Variants in CLIC2 observed in about 807,000 individuals in gnomAD.
CLIC2 encodes the protein CLIC family member 2.
CLIC2 carries 9 observed loss-of-function variants against 14.8 expected under a neutral mutation model. The observed-to-expected ratio is 0.61, with a 90% CI of 0.37 to 1.06. The LOEUF is 1.06. Among genes scored for constraint, CLIC2 ranks in the 50% least tolerant of loss-of-function variants. The pLI is 0.01. For synonymous variants in CLIC2, 61 were observed against 66.3 expected (o/e 0.92, Z 0.39); for missense variants, 148 against 181.4 (o/e 0.82, Z 1.06).
At chrX:155,306,126 C>T in intron 1 of CLIC2, among the ~76,000 whole-genome samples, 1 of 111,541 alleles carries the variant, frequency 9.0e-6, no homozygotes, top group East Asian at 2.8e-4. Flanking sequence ...ATATTTGTCC[C>T]CTCCAAATCT....
intron 1 of CLIC2, among the ~76,000 whole-genome samples, chrX:155,321,866 A>C (rs1297806427): frequency 1.8e-5 from 2 of 111,017 alleles, no homozygotes; most frequent in African/African-American, 6.6e-5. Flanking sequence ...ATGGAGGAAT[A>C]TTTACCAAGC....
chrX:155,287,468 G>A (rs113415302), intron 3 of CLIC2, among the ~76,000 whole-genome samples: 1,885 of 111,039 alleles, frequency 0.017, 52 homozygotes, highest in African/African-American at 0.059. Context: ...TGAGTAGGTG[G>A]GATTACAGGC....
chrX:155,281,220 G>A (rs2074918089), intron 3 of CLIC2, among the ~76,000 whole-genome samples: 1 of 108,534 alleles, frequency 9.2e-6, no homozygotes, highest in Non-Finnish European at 1.9e-5. Flanking sequence ...GTGGGGGGAG[G>A]AAAGAGGGAG....
At chrX:155,279,032 T>C (rs782180295) in intron 5 of CLIC2, 117 bp downstream of exon 5, 1 of 584,948 alleles carries the variant, frequency 1.7e-6, no homozygotes, top group Non-Finnish European at 3.0e-6. Context: ...GTACACATGA[T>C]GATGATGATA....
At chrX:155,289,309 CATGAAGTATT>C (rs2074954407) in intron 3 of CLIC2, among the ~76,000 whole-genome samples, 1 of 111,748 alleles carries the variant, frequency 8.9e-6, no homozygotes, top group Non-Finnish European at 1.9e-5. Context: ...ACAGACTAAA[CATGAAGTATT>C]CTAGCTTCCT....
At chrX:155,320,272 T>G (rs1016130886) in intron 1 of CLIC2, among the ~76,000 whole-genome samples, 1 of 112,121 alleles carries the variant, frequency 8.9e-6, no homozygotes, top group East Asian at 2.8e-4. Flanking sequence ...GGGAGACTCC[T>G]CCCTGCAGGG....
intron 1 of CLIC2, among the ~76,000 whole-genome samples, chrX:155,304,751 G>C (rs1376872101): frequency 2.3e-5 from 2 of 86,368 alleles, no homozygotes; most frequent in African/African-American, 7.4e-5. Context: ...TGTACAGATG[G>C]GTTTTTGGTG....
rs1440812910 is a variant in CLIC2, at chrX:155,304,068, C to T, written c.58-4923G>A. 3.7e-5 allele frequency among the ~76,000 whole-genome samples: 4 copies of T among 106,778 alleles called. No individual in the cohort carries two copies. The East Asian group carries it at 1.2e-3, about 32-fold the overall frequency. The allele number at this position is 106,778 out of a possible 115,157, so 92.7% of individuals were successfully genotyped here. ...CTGACAATTATGTGTCTTGGAGTTG[C>T]TCTTTTCGAGGAGTATCTTTGTGGC... On this transcript the variant is annotated intron_variant, in intron 1 of 5. Transcript: ENST00000369449.
At chrX:155,287,964 C>T (rs1369373409) in intron 3 of CLIC2, among the ~76,000 whole-genome samples, 2 of 111,546 alleles carry the variant, frequency 1.8e-5, no homozygotes, top group Non-Finnish European at 3.8e-5. Flanking sequence ...TATCCTTCAC[C>T]TCCTGAGTTA....
At chrX:155,292,834 A>G in intron 3 of CLIC2, 1 of 954,626 alleles carries the variant, frequency 1.0e-6, no homozygotes, top group South Asian at 2.1e-5. Context: ...AGCAACTTAA[A>G]CCGGGAACGC....
At chrX:155,328,486 C>A (rs1032854235) in intron 1 of CLIC2, among the ~76,000 whole-genome samples, 8 of 110,202 alleles carry the variant, frequency 7.3e-5, no homozygotes, top group Admixed American at 2.9e-4. Flanking sequence ...AACATTGATA[C>A]AAGAAATTGA....
intron 3 of CLIC2, among the ~76,000 whole-genome samples, chrX:155,283,020 C>T (rs1379864462): frequency 9.0e-6 from 1 of 111,505 alleles, no homozygotes; most frequent in African/African-American, 3.3e-5. Context: ...AGACCAGGCT[C>T]CAACCGAGTC....
intron 3 of CLIC2, among the ~76,000 whole-genome samples, chrX:155,280,990 GATATATATAT>G (rs373277985): frequency 1.1e-5 from 1 of 89,918 alleles, no homozygotes; most frequent in Non-Finnish European, 2.2e-5. Flanking sequence ...GAAATTGTGA[GATATATATAT>G]ATATATATAT....
At chrX:155,309,428 A>G (rs2075066490) in intron 1 of CLIC2, 1 of 129,757 alleles carries the variant, frequency 7.7e-6, no homozygotes, top group Non-Finnish European at 1.6e-5. Context: ...ACCAAAACCA[A>G]AGACACATCA....
intron 3 of CLIC2, chrX:155,293,423 G>A (rs1602936829): frequency 1.4e-6 from 1 of 703,435 alleles, no homozygotes; most frequent in Admixed American, 2.2e-5. Flanking sequence ...CATCCTTCTT[G>A]CCTGGATATA....
chrX:155,305,360 T>C (rs1398609098), intron 1 of CLIC2, among the ~76,000 whole-genome samples: 2 of 112,372 alleles, frequency 1.8e-5, no homozygotes, highest in African/African-American at 3.2e-5. Context: ...GTCACCCCTT[T>C]CTTTGACTCA....
In CLIC2 at chrX:155,293,045, C is replaced by T. The variant is rs781968032; in HGVS notation, c.293+5740G>A. On this transcript the variant is annotated intron_variant, in intron 3 of 5. Coordinates refer to ENST00000369449, the MANE Select transcript of CLIC2 (RefSeq NM_001289.6). ...CCATTAAACACAGCCCTGTACGAGGCCACTCTGGATCCTGAGCTCCCTGCT... is the reference window on the plus strand; with the variant it reads ...CCATTAAACACAGCCCTGTACGAGGTCACTCTGGATCCTGAGCTCCCTGCT... The T allele has an allele frequency of 2.5e-5, 16 of 635,575 alleles. No homozygotes were observed. The South Asian group carries it at 3.5e-4, about 14-fold the overall frequency. 52.4% of individuals were successfully genotyped at this position (635,575 alleles called of 1,213,427 possible).
At chrX:155,282,994 C>T (rs782462990) in intron 3 of CLIC2, among the ~76,000 whole-genome samples, 1 of 111,686 alleles carries the variant, frequency 9.0e-6, no homozygotes, top group African/African-American at 3.3e-5. Context: ...CCCATTCAAG[C>T]TCAGGCTTCA....
chrX:155,308,460 G>A (rs2075063202), intron 1 of CLIC2, among the ~76,000 whole-genome samples: 2 of 111,580 alleles, frequency 1.8e-5, no homozygotes, highest in Non-Finnish European at 3.8e-5. Context: ...TGGCCTTAAA[G>A]AGGAGGTAGA....
Sources: gnomAD v4.1 joint callset for allele counts (sites outside exome capture counted in the v4.1 genomes callset) on GRCh38, gnomAD v4.1.1 for gene constraint, MANE v1.5 for transcripts, NCBI Gene and HGNC (gene_info 2026-07-23, HGNC 2026-07-21) for gene names.